PCSK5: variants seen among roughly 807,000 people sequenced by gnomAD.
PCSK5 encodes the protein proprotein convertase subtilisin/kexin type 5.
Under a neutral mutation model 233.2 loss-of-function variants are expected in PCSK5, and 129 were observed. That is an observed-to-expected ratio of 0.55 (90% CI 0.48 to 0.64). The LOEUF is 0.64. PCSK5 is among the 30% of genes least tolerant of loss of function. The pLI, the probability that PCSK5 is intolerant of heterozygous loss-of-function variation, is 0.00. For missense variants in PCSK5, 2,076 were observed against 2,430.1 expected, an observed-to-expected ratio of 0.85 and a Z score of 3.06; for synonymous variants, 825 against 879.2, an observed-to-expected ratio of 0.94 and a Z score of 1.09.
At chr9:75,893,015 A>G (rs1825676721) in intron 1 of PCSK5, among the ~76,000 whole-genome samples, 1 of 152,114 alleles carries the variant, frequency 6.6e-6, no homozygotes, top group Non-Finnish European at 1.5e-5. Flanking sequence ...CTGGAAGAAA[A>G]CACTGAGTCC....
chr9:76,184,820 T>A lies in PCSK5; in HGVS notation c.2282+63T>A. 9.1e-6 allele frequency: 9 copies of A among 984,000 alleles called. No homozygotes were observed. In the Admixed American group the frequency reaches 1.1e-4, roughly 13 times the overall value. The allele number at this position is 984,000 out of a possible 1,614,324, so 61.0% of individuals were successfully genotyped here. On this transcript the variant is annotated intron_variant, in intron 17 of 37. Coordinates refer to ENST00000674117, the MANE Select transcript of PCSK5 (RefSeq NM_001372043.1). ...AAAGAGCTTCTCAATGTAAATAAAA[T>A]GAAAAAATGATAAACAAGTAAATAA...
chr9:76,266,598 T>C (rs1462891289), intron 24 of PCSK5, among the ~76,000 whole-genome samples: 1 of 152,202 alleles, frequency 6.6e-6, no homozygotes, highest in Non-Finnish European at 1.5e-5. Flanking sequence ...CAAGCTCATC[T>C]CTCTTCCATC....
chr9:75,923,092 G>A (rs1587366390), intron 1 of PCSK5, among the ~76,000 whole-genome samples: 1 of 152,182 alleles, frequency 6.6e-6, no homozygotes, highest in East Asian at 1.9e-4. Context: ...AACCCTTTGA[G>A]TAAGTTTTAA....
intron 9 of PCSK5, among the ~76,000 whole-genome samples, chr9:76,111,994 T>C (rs573795867): frequency 7.6e-4 from 115 of 152,314 alleles, no homozygotes; most frequent in African/African-American, 2.6e-3. Flanking sequence ...AATAATAAGT[T>C]GTACTGAAAG....
chr9:76,189,472 G>C (rs759525683), intron 19 of PCSK5, among the ~76,000 whole-genome samples, 159 bp from the exon 20 acceptor site: 1 of 152,144 alleles, frequency 6.6e-6, no homozygotes, highest in African/African-American at 2.4e-5. Flanking sequence ...AAATCACAGT[G>C]TCTACCTGTG....
chr9:76,200,634 G>C (rs1419419548), intron 20 of PCSK5, among the ~76,000 whole-genome samples: 4 of 152,166 alleles, frequency 2.6e-5, no homozygotes, highest in Non-Finnish European at 5.9e-5. Context: ...GGGCCTTGAA[G>C]GATAAGCAAG....
rs544667561 is a variant in PCSK5, at chr9:76,093,303, C to CA, written c.895-2586dup. On this transcript the variant is annotated intron_variant, in intron 7 of 37. Coordinates refer to ENST00000674117, the MANE Select transcript of PCSK5 (RefSeq NM_001372043.1). Reference sequence around the variant, plus strand: ...AAATATGTGGTCTCACCCTATTGCCCAGGCTGGTCTCTAACTCCTGGACTC... The same window carrying CA: ...AAATATGTGGTCTCACCCTATTGCCCAAGGCTGGTCTCTAACTCCTGGACTC... Among the ~76,000 whole-genome samples the CA allele has an allele frequency of 3.6e-4, 55 of 151,956 alleles. 1 individual carries two copies. Among genetic ancestry groups the CA allele is most frequent in the Non-Finnish European group, 6.6e-4 (45 of 67,980 alleles).
intron 9 of PCSK5, among the ~76,000 whole-genome samples, chr9:76,128,489 G>T (rs756063403): frequency 6.6e-6 from 1 of 152,140 alleles, no homozygotes; most frequent in African/African-American, 2.4e-5. Context: ...TGATGATTGA[G>T]CTTGCAAACA....
intron 20 of PCSK5, among the ~76,000 whole-genome samples, chr9:76,203,992 A>C (rs1172283011): frequency 1.3e-5 from 2 of 152,204 alleles, no homozygotes; most frequent in Admixed American, 1.3e-4. Context: ...CCTCTCTTCC[A>C]GGAACATTTT....
At chr9:76,143,930 C>G (rs568997675) in intron 10 of PCSK5, among the ~76,000 whole-genome samples, 1 of 152,206 alleles carries the variant, frequency 6.6e-6, no homozygotes, top group African/African-American at 2.4e-5. Context: ...GAAAAGCCAT[C>G]TAACTTCCCA....
chr9:76,096,423 G>C (rs1321084939), intron 8 of PCSK5, among the ~76,000 whole-genome samples: 1 of 152,106 alleles, frequency 6.6e-6, no homozygotes, highest in Non-Finnish European at 1.5e-5. Context: ...ATCTACGCCT[G>C]ACTCAGTCCT....
intron 1 of PCSK5, among the ~76,000 whole-genome samples, chr9:75,917,150 C>G (rs143128615): frequency 8.0e-6 from 1 of 125,290 alleles, no homozygotes; most frequent in Non-Finnish European, 1.6e-5. Context: ...TCCTGGGCAA[C>G]GAAGAGAGAC....
chr9:76,286,361 C>T (rs1263111492), intron 24 of PCSK5: 1 of 152,224 alleles, frequency 6.6e-6, no homozygotes, highest in Admixed American at 6.5e-5. Flanking sequence ...CATTGTTTCT[C>T]ACCTGCCCAC....
intron 30 of PCSK5, among the ~76,000 whole-genome samples, chr9:76,313,968 A>T (rs973335527): frequency 2.0e-5 from 3 of 152,190 alleles, no homozygotes; most frequent in African/African-American, 7.2e-5. Flanking sequence ...AAGGTGAAAG[A>T]GATTTGCTTA....
chr9:76,314,291 A>G (rs1828955108), intron 30 of PCSK5, among the ~76,000 whole-genome samples: 2 of 152,188 alleles, frequency 1.3e-5, no homozygotes, highest in South Asian at 4.1e-4. Context: ...TGGCCTAGGA[A>G]TATTGCAGAC....
chr9:76,069,797 A>T (rs1830417664), intron 6 of PCSK5, among the ~76,000 whole-genome samples: 1 of 152,156 alleles, frequency 6.6e-6, no homozygotes, highest in African/African-American at 2.4e-5. Flanking sequence ...TCATTGTACC[A>T]ATAAAATAGT....
At chr9:76,113,693 G>A (rs959268291) in intron 9 of PCSK5, among the ~76,000 whole-genome samples, 1 of 152,078 alleles carries the variant, frequency 6.6e-6, no homozygotes. Flanking sequence ...ACATAGGAAG[G>A]ATAGACATAA....
Position 76,323,291 on chromosome 9 carries a change from A to G in PCSK5, c.4339+3A>G. On this transcript the variant is annotated splice_donor_region_variant and intron_variant, in intron 32 of 37. Coordinates refer to ENST00000674117, the MANE Select transcript of PCSK5 (RefSeq NM_001372043.1). ...AAAGGAGACTAAGGAGTGCAGAGGT[A>G]AAGACTTCTGGGATTCAAAATAGGC... 1 of 1,559,978 alleles carries G rather than the reference A, an allele frequency of 6.4e-7. No individual in the cohort carries two copies. The highest frequency in any genetic ancestry group is 8.8e-7 in the Non-Finnish European group (1 of 1,132,690).
Position 75,965,261 on chromosome 9 carries a change from ATGTGTGTGTG to A in PCSK5, c.298-20850_298-20841del, listed in dbSNP as rs71372035. ...ATCCTATATATGTGTATGTGTGTAT[ATGTGTGTGTG>A]TGTGTGTGTGTGTGTGTGTGGAGAG... On this transcript the variant is annotated intron_variant, in intron 2 of 37. Coordinates refer to ENST00000674117, the MANE Select transcript of PCSK5 (RefSeq NM_001372043.1). 6.7e-5 allele frequency among the ~76,000 whole-genome samples: 10 copies of A among 149,804 alleles called. 1 individual carries two copies. Among genetic ancestry groups the A allele is most frequent in the Admixed American group, 2.0e-4 (3 of 15,080 alleles).
Sources: gnomAD v4.1 joint callset for allele counts (sites outside exome capture counted in the v4.1 genomes callset) on GRCh38, gnomAD v4.1.1 for gene constraint, MANE v1.5 for transcripts, NCBI Gene and HGNC (gene_info 2026-07-23, HGNC 2026-07-21) for gene names.